Variants in SLC41A2 observed in about 807,000 individuals in gnomAD.
SLC41A2 encodes the protein solute carrier family 41 member 2, also known as SLC41A1-like 1.
A neutral mutation model predicts 58.3 loss-of-function variants in SLC41A2; 32 were observed. The observed-to-expected ratio is 0.55, with a 90% CI of 0.41 to 0.74. The LOEUF (loss-of-function observed/expected upper bound fraction) is 0.74, where lower values mean the gene tolerates loss of function less well. SLC41A2 is among the 30% of genes least tolerant of loss of function. The pLI is 0.00. For missense variants in SLC41A2, 514 were observed against 680.6 expected (o/e 0.76, Z 2.72); for synonymous variants, 190 against 235.0 (o/e 0.81, Z 1.75).
intron 10 of SLC41A2, among the ~76,000 whole-genome samples, chr12:104,835,875 G>A (rs754281404): frequency 2.6e-4 from 40 of 151,498 alleles, no homozygotes; most frequent in Non-Finnish European, 5.2e-4. Context: ...ACAGAGTCTT[G>A]CTCTGTTGCC....
Position 104,934,477 on chromosome 12 carries a change from A to G in SLC41A2, c.-167-5783T>C, listed in dbSNP as rs1011657539. Among the ~76,000 whole-genome samples, 7 of 151,204 alleles carry G rather than the reference A, an allele frequency of 4.6e-5. 1 individual carries two copies. The highest frequency in any genetic ancestry group is 1.3e-4 in the Admixed American group (2 of 15,120). On this transcript the variant is annotated intron_variant, in intron 1 of 10. Coordinates refer to ENST00000258538, the MANE Select transcript of SLC41A2 (RefSeq NM_001352171.3). ...TCCACTACTTAATTCCTTAATGGCC[A>G]ATATTTGTACAAGACAGACGTTTAG...
Position 104,802,788 on chromosome 12 carries a change from CT to C in SLC41A2, c.*2363del, listed in dbSNP as rs1193167269. 6.6e-6 allele frequency: 1 copy of C among 152,096 alleles called. No homozygotes were observed. The highest frequency in any genetic ancestry group is 1.5e-5 in the Non-Finnish European group (1 of 68,012). 9.4% of individuals were successfully genotyped at this position (152,096 alleles called of 1,614,324 possible). On this transcript the variant is annotated 3_prime_UTR_variant, in exon 11 of 11. Transcript: ENST00000258538. ...GAAATCCATAAAATGTAGTAATACT[CT>C]ATTGTACTTTTAAAAATCCTATTTT...
chr12:104,880,800 G>A (rs2044327419), intron 6 of SLC41A2, among the ~76,000 whole-genome samples: 1 of 152,120 alleles, frequency 6.6e-6, no homozygotes. Flanking sequence ...GTCTCTGCCA[G>A]GCTTTGGTAT....
rs2044812221 is a variant in SLC41A2 at position 104,889,076 on chromosome 12, G to A, written c.837C>T (p.Cys279=). 6.2e-7 allele frequency: 1 copy of A among 1,609,238 alleles called. No individual in the cohort carries two copies. The highest frequency in any genetic ancestry group is 1.3e-5 in the African/African-American group (1 of 74,730). The part of the protein sequence containing the change: ...KYYLDHSILL[C]SSSVATAFIA... ...TGAAGGCAGTTGCCACACTGCTAGA[G>A]CACAGAAGTATGGAATGATCAAGGT... The change falls in exon 5 of 11, where the codon TGC becomes TGT. Residue 279 remains cysteine, a synonymous_variant. Transcript: ENST00000258538.
At chr12:104,917,995 T>C (rs1412552283) in intron 2 of SLC41A2, among the ~76,000 whole-genome samples, 1 of 147,672 alleles carries the variant, frequency 6.8e-6, no homozygotes, top group African/African-American at 2.5e-5. Flanking sequence ...TAAATATATA[T>C]ATAAAATATA....
At chr12:104,871,663 A>C (rs2043785169) in intron 6 of SLC41A2, among the ~76,000 whole-genome samples, 1 of 152,192 alleles carries the variant, frequency 6.6e-6, no homozygotes, top group South Asian at 2.1e-4. Flanking sequence ...TTTTTGTTAC[A>C]ATCTATTATG....
At chr12:104,924,297 A>T (rs1202919007) in intron 2 of SLC41A2, among the ~76,000 whole-genome samples, 3 of 152,190 alleles carry the variant, frequency 2.0e-5, no homozygotes, top group African/African-American at 7.2e-5. Context: ...GAGTATTGAG[A>T]TCTCTTGTAC....
intron 2 of SLC41A2, among the ~76,000 whole-genome samples, chr12:104,911,789 C>T (rs1462835730): frequency 6.8e-6 from 1 of 146,810 alleles, no homozygotes; most frequent in East Asian, 2.0e-4. Context: ...GGGTTCAAGC[C>T]AATTAAGGAT....
chr12:104,958,035 T>A (rs892899130), intron 1 of SLC41A2, 53 bp downstream of exon 1: 12 of 152,020 alleles, frequency 7.9e-5, no homozygotes, highest in African/African-American at 2.7e-4. Context: ...CCGCACCTGA[T>A]GCGCCCGAAC....
intron 1 of SLC41A2, among the ~76,000 whole-genome samples, chr12:104,956,860 TC>T (rs557107248): frequency 1.4e-3 from 219 of 152,130 alleles, no homozygotes; most frequent in African/African-American, 5.1e-3. Flanking sequence ...GAGATACCAT[TC>T]CACACTCACT....
At chr12:104,860,613 C>T (rs749151836) in intron 8 of SLC41A2, among the ~76,000 whole-genome samples, 1 of 151,838 alleles carries the variant, frequency 6.6e-6, no homozygotes, top group African/African-American at 2.4e-5. Context: ...AAGACAGGGT[C>T]TCACTCTGTT....
intron 1 of SLC41A2, among the ~76,000 whole-genome samples, chr12:104,940,791 C>T (rs1352320978): frequency 5.9e-5 from 9 of 151,582 alleles, no homozygotes; most frequent in African/African-American, 2.2e-4. Flanking sequence ...TGGTGGCAGA[C>T]GCCTGTAGTC....
intron 10 of SLC41A2, among the ~76,000 whole-genome samples, chr12:104,843,639 T>A (rs1252617561): frequency 6.6e-6 from 1 of 152,132 alleles, no homozygotes; most frequent in Non-Finnish European, 1.5e-5. Context: ...TTGGTATACT[T>A]ATTTAACATT....
chr12:104,819,603 T>C (rs2041546943), intron 10 of SLC41A2, among the ~76,000 whole-genome samples: 1 of 152,122 alleles, frequency 6.6e-6, no homozygotes, highest in East Asian at 1.9e-4. Context: ...AAAGAGAAGA[T>C]ACAAATAAAC....
chr12:104,907,265 G>C (rs1037175448), intron 3 of SLC41A2, among the ~76,000 whole-genome samples: 1 of 144,866 alleles, frequency 6.9e-6, no homozygotes, highest in Non-Finnish European at 1.5e-5. Context: ...CAAGATATTC[G>C]AGATTCATTG....
At chr12:104,825,165 C>G (rs2041793897) in intron 10 of SLC41A2, among the ~76,000 whole-genome samples, 1 of 152,158 alleles carries the variant, frequency 6.6e-6, no homozygotes, top group Admixed American at 6.5e-5. Context: ...AGGTGCAAAT[C>G]AGACCAATTT....
At chr12:104,864,811 G>T (rs571464574) in intron 7 of SLC41A2, among the ~76,000 whole-genome samples, 83 of 151,968 alleles carry the variant, frequency 5.5e-4, no homozygotes, top group Non-Finnish European at 7.8e-4. Flanking sequence ...CCTATATTAT[G>T]AATATTATGC....
rs556135739 is a variant in SLC41A2 at position 104,843,866 on chromosome 12, G to A, written c.1536+606C>T. 2.0e-4 allele frequency among the ~76,000 whole-genome samples: 30 copies of A among 152,180 alleles called. No individual in the cohort carries two copies. In the South Asian group the frequency reaches 6.2e-3, roughly 32 times the overall value. On this transcript the variant is annotated intron_variant, in intron 10 of 10. Coordinates refer to ENST00000258538, the MANE Select transcript of SLC41A2 (RefSeq NM_001352171.3). The stretch of plus-strand genomic sequence containing the variant: ...TATAAAGCACTTATAATGCTTCTGA[G>A]CATATAGGAAACACTATACATGCCA...
chr12:104,815,585 A>G (rs2468095), intron 10 of SLC41A2, among the ~76,000 whole-genome samples: 77,872 of 151,880 alleles, frequency 0.51, 20,161 homozygotes, highest in Middle Eastern at 0.6. Flanking sequence ...CACCTTGTAT[A>G]TAGTGTGAAG....
Sources: allele counts gnomAD v4.1 joint callset (sites outside exome capture counted in the v4.1 genomes callset), GRCh38; gene constraint gnomAD v4.1.1; transcripts MANE v1.5; gene names NCBI Gene and HGNC (gene_info 2026-07-23, HGNC 2026-07-21).